The following MDGA2 variants were observed in gnomAD, a reference collection of about 807,000 sequenced individuals.
The protein encoded by MDGA2 is MAM domain containing glycosylphosphatidylinositol anchor 2.
A neutral mutation model predicts 117.8 loss-of-function variants in MDGA2; 40 were observed. That is an observed-to-expected ratio of 0.34 (90% confidence interval 0.26 to 0.44). The LOEUF is 0.44. MDGA2 is among the 20% of genes least tolerant of loss of function. MDGA2 has a pLI of 1.00. For synonymous variants in MDGA2, 452 were observed against 439.0 expected, an observed-to-expected ratio of 1.03 and a Z score of -0.37; for missense variants, 1,123 against 1,250.6, an observed-to-expected ratio of 0.90 and a Z score of 1.54.
intron 1 of MDGA2, among the ~76,000 whole-genome samples, chr14:47,488,505 T>A (rs1894104789): frequency 6.6e-6 from 1 of 152,096 alleles, no homozygotes; most frequent in Admixed American, 6.6e-5. Context: ...AAGTTAACAA[T>A]GATTAGCATA....
At position 47,062,171 on chromosome 14, in the gene MDGA2, G is replaced by T. The variant is rs146358133; in HGVS notation, c.1196-593C>A. Among the ~76,000 whole-genome samples, 152 of 152,140 alleles carry T rather than the reference G, an allele frequency of 1.0e-3. 2 individuals are homozygous for T. The highest frequency in any genetic ancestry group is 3.5e-3 in the African/African-American group (144 of 41,550). ...AAAGAAAACCTGGGGCAAAAAGCAT[G>T]TTCAAAACATTTACTATGAACTTTT... On this transcript the variant is annotated intron_variant, in intron 6 of 16. Coordinates refer to ENST00000399232, the MANE Select transcript of MDGA2 (RefSeq NM_001113498.3).
chr14:47,011,386 T>G (rs955536044), intron 8 of MDGA2, among the ~76,000 whole-genome samples: 1 of 152,002 alleles, frequency 6.6e-6, no homozygotes, highest in Non-Finnish European at 1.5e-5. Context: ...TTTAAATAAA[T>G]GCCTTATAAG....
intron 1 of MDGA2, among the ~76,000 whole-genome samples, chr14:47,561,535 T>C (rs1162732857): frequency 6.6e-6 from 1 of 152,112 alleles, no homozygotes; most frequent in Non-Finnish European, 1.5e-5. Flanking sequence ...AGCTTGCACG[T>C]TGTTGGTGTA....
At chr14:47,056,822 T>C in intron 7 of MDGA2, among the ~76,000 whole-genome samples, 1 of 152,162 alleles carries the variant, frequency 6.6e-6, no homozygotes, top group East Asian at 1.9e-4. Flanking sequence ...GTGACAATAA[T>C]TAAGAATTTA....
intron 1 of MDGA2, among the ~76,000 whole-genome samples, chr14:47,308,355 C>G (rs973429097): frequency 6.6e-6 from 1 of 152,088 alleles, no homozygotes; most frequent in African/African-American, 2.4e-5. Flanking sequence ...TCATAAGAAA[C>G]AACAACTCAT....
chr14:46,943,497 C>T (rs1374260943), intron 9 of MDGA2, among the ~76,000 whole-genome samples: 1 of 151,874 alleles, frequency 6.6e-6, no homozygotes, highest in Non-Finnish European at 1.5e-5. Flanking sequence ...TGACTAAATT[C>T]AAAAAACTTT....
intron 2 of MDGA2, among the ~76,000 whole-genome samples, chr14:47,277,229 T>C (rs1056132130): frequency 9.2e-5 from 14 of 152,164 alleles, no homozygotes; most frequent in African/African-American, 3.4e-4. Context: ...CAAATCTCTT[T>C]CATGTTAATC....
chr14:47,060,734 A>G (rs1314677242), intron 7 of MDGA2, among the ~76,000 whole-genome samples: 1 of 152,074 alleles, frequency 6.6e-6, no homozygotes, highest in African/African-American at 2.4e-5. Context: ...AGATTTTACC[A>G]TATGATTCTG....
chr14:46,917,726 T>G (rs1366019517), intron 10 of MDGA2, among the ~76,000 whole-genome samples: 1 of 152,194 alleles, frequency 6.6e-6, no homozygotes, highest in African/African-American at 2.4e-5. Flanking sequence ...CAGGGAGTTA[T>G]ACACCAGTTT....
chr14:47,386,813 T>C (rs7149079), intron 1 of MDGA2, among the ~76,000 whole-genome samples: 109,721 of 152,116 alleles, frequency 0.72, 39,848 homozygotes, highest in Middle Eastern at 0.82. Flanking sequence ...CATAAACTCA[T>C]GAGGCACACT....
chr14:47,221,675 G>A (rs1182344520), intron 2 of MDGA2, among the ~76,000 whole-genome samples: 2 of 111,402 alleles, frequency 1.8e-5, no homozygotes. Flanking sequence ...GTGACAGAGC[G>A]AGACTCTATC....
At chr14:47,197,701 G>T (rs915503274) in intron 3 of MDGA2, among the ~76,000 whole-genome samples, 4 of 152,058 alleles carry the variant, frequency 2.6e-5, no homozygotes, top group Non-Finnish European at 4.4e-5. Context: ...ACGAGGTCAG[G>T]GGTTCGAAAC....
At chr14:47,150,240 T>C (rs1359865758) in intron 3 of MDGA2, among the ~76,000 whole-genome samples, 1 of 152,210 alleles carries the variant, frequency 6.6e-6, no homozygotes, top group African/African-American at 2.4e-5. Context: ...AAGATTCCCC[T>C]TGTTCCCAAC....
intron 9 of MDGA2, among the ~76,000 whole-genome samples, chr14:46,930,293 T>C (rs550095503): frequency 6.6e-6 from 1 of 152,280 alleles, no homozygotes; most frequent in African/African-American, 2.4e-5. Flanking sequence ...AGCAATCCTT[T>C]TTAAATTTCT....
intron 5 of MDGA2, among the ~76,000 whole-genome samples, chr14:47,117,184 A>T (rs1881377066): frequency 6.6e-6 from 1 of 152,184 alleles, no homozygotes; most frequent in African/African-American, 2.4e-5. Context: ...TCATAAAGGA[A>T]ATGCAAATCA....
intron 7 of MDGA2, chr14:47,058,768 T>C: frequency 5.1e-6 from 5 of 985,480 alleles, no homozygotes; most frequent in Non-Finnish European, 6.0e-6. Flanking sequence ...GTAATCATCT[T>C]CAGTAACTCA....
chr14:47,634,365 AATC>A (rs548849337), intron 1 of MDGA2, among the ~76,000 whole-genome samples: 72 of 152,210 alleles, frequency 4.7e-4, no homozygotes, highest in African/African-American at 1.6e-3. Context: ...AAAATTATAT[AATC>A]ATATCAAGAA....
chr14:47,143,018 T>C (rs970136050), intron 4 of MDGA2, among the ~76,000 whole-genome samples: 1 of 152,212 alleles, frequency 6.6e-6, no homozygotes, highest in Non-Finnish European at 1.5e-5. Flanking sequence ...ACAGTTAATG[T>C]CTAAATATTG....
At chr14:47,304,096 A>G (rs1889366360) in intron 1 of MDGA2, among the ~76,000 whole-genome samples, 2 of 152,112 alleles carry the variant, frequency 1.3e-5, no homozygotes, top group African/African-American at 4.8e-5. Flanking sequence ...TTAAGTGTGG[A>G]AGTTGTCTTC....
Sources: allele counts gnomAD v4.1 joint callset (sites outside exome capture counted in the v4.1 genomes callset), GRCh38; gene constraint gnomAD v4.1.1; transcripts MANE v1.5; gene names NCBI Gene and HGNC (gene_info 2026-07-23, HGNC 2026-07-21).